CEP57L1: variants seen among roughly 807,000 people sequenced by gnomAD.
The protein encoded by CEP57L1 is centrosomal protein 57 like 1.
In CEP57L1, 37 loss-of-function variants were observed where a neutral mutation model predicts 61.0. The ratio of observed to expected loss-of-function variants is 0.61; its 90% CI spans 0.47 to 0.80. The LOEUF (loss-of-function observed/expected upper bound fraction) is 0.80. Ranked by LOEUF, CEP57L1 falls within the 30% of genes least tolerant of loss-of-function variation. CEP57L1 has a pLI of 0.00. For synonymous variants in CEP57L1, 137 were observed against 162.3 expected (o/e 0.84, Z 1.19); for missense variants, 422 against 524.7 (o/e 0.80, Z 1.91).
chr6:109,165,377 A>G lies in CEP57L1; in HGVS notation c.*2407A>G, dbSNP rs114637441. Among the ~76,000 whole-genome samples the G allele has an allele frequency of 7.5e-3, 1,137 of 152,004 alleles. 18 individuals carry two copies. The highest frequency in any genetic ancestry group is 0.026 in the African/African-American group (1,088 of 41,454). ...GCACCCAGCAGAAGAGTTGACACTT[A>G]TTAAACACTCAATAAATATTTTTTG... On this transcript the variant is annotated 3_prime_UTR_variant, in exon 11 of 11. Transcript: ENST00000517392.
intron 1 of CEP57L1, among the ~76,000 whole-genome samples, chr6:109,119,303 GA>G (rs1772672838): frequency 6.6e-6 from 1 of 152,112 alleles, no homozygotes. Flanking sequence ...TAGTTTTAGT[GA>G]AACATAATTA....
chr6:109,143,592 A>C (rs772481753), intron 1 of CEP57L1, among the ~76,000 whole-genome samples: 7 of 152,116 alleles, frequency 4.6e-5, no homozygotes, highest in Non-Finnish European at 7.4e-5. Context: ...TTTAATTTAA[A>C]TAAACTGTAG....
intron 1 of CEP57L1, among the ~76,000 whole-genome samples, chr6:109,108,148 T>G (rs893743704): frequency 1.3e-5 from 2 of 152,070 alleles, no homozygotes; most frequent in Non-Finnish European, 2.9e-5. Flanking sequence ...TGAATCTAAA[T>G]GTAATGCCCC....
intron 7 of CEP57L1, chr6:109,156,773 C>T (rs570989803): frequency 3.1e-4 from 47 of 152,018 alleles, no homozygotes; most frequent in African/African-American, 9.4e-4. Flanking sequence ...TCTTTTATTA[C>T]GTAAATAAAA....
chr6:109,172,139 A>T lies in CEP57L1; in HGVS notation c.*9169A>T, dbSNP rs534326892. 6.6e-6 allele frequency among the ~76,000 whole-genome samples: 1 copy of T among 152,310 alleles called. No homozygotes were observed. The highest frequency in any genetic ancestry group is 1.9e-4 in the East Asian group (1 of 5,192). The stretch of plus-strand genomic sequence containing the variant: ...TGGGGGACACCAGGCACAAGCTTCC[A>T]GTTGTCCTTCACCTGTGAAGTCATG... On this transcript the variant is annotated 3_prime_UTR_variant, in exon 11 of 11. Coordinates refer to ENST00000517392, the MANE Select transcript of CEP57L1 (RefSeq NM_001271852.3).
At chr6:109,116,011 T>G (rs916355062) in intron 1 of CEP57L1, among the ~76,000 whole-genome samples, 4 of 152,206 alleles carry the variant, frequency 2.6e-5, no homozygotes, top group African/African-American at 9.6e-5. Flanking sequence ...TGTATTTTTA[T>G]GAGTTTTGGT....
chr6:109,169,188 T>C lies in CEP57L1; in HGVS notation c.*6218T>C, dbSNP rs1320631129. On this transcript the variant is annotated 3_prime_UTR_variant, in exon 11 of 11. Coordinates refer to ENST00000517392, the MANE Select transcript of CEP57L1 (RefSeq NM_001271852.3). Reference sequence around the variant, plus strand: ...TTGCAGTAAGCTGAGATTGTGCCACTGCACTCTAGCCTGAGCAGCAGAGTG... The same window carrying C: ...TTGCAGTAAGCTGAGATTGTGCCACCGCACTCTAGCCTGAGCAGCAGAGTG... 2.2e-5 allele frequency among the ~76,000 whole-genome samples: 3 copies of C among 137,704 alleles called. No homozygotes were observed. The highest frequency in any genetic ancestry group is 4.5e-5 in the Non-Finnish European group (3 of 65,994). 90.3% of individuals were successfully genotyped at this position (137,704 alleles called of 152,430 possible).
At chr6:109,150,378 A>G in intron 4 of CEP57L1, 139 bp downstream of exon 4, 1 of 912,204 alleles carries the variant, frequency 1.1e-6, no homozygotes, top group Non-Finnish European at 1.6e-6. Flanking sequence ...GGAGTTTCAA[A>G]AGGAAAGGAA....
chr6:109,148,315 G>A (rs1225301282), intron 3 of CEP57L1, among the ~76,000 whole-genome samples: 2 of 150,322 alleles, frequency 1.3e-5, no homozygotes. Context: ...TCCCCTTCCT[G>A]TGTCCATGTG....
chr6:109,098,913 T>C (rs1215925023), intron 1 of CEP57L1, among the ~76,000 whole-genome samples: 2 of 152,224 alleles, frequency 1.3e-5, no homozygotes, highest in African/African-American at 4.8e-5. Context: ...GGATACATTT[T>C]GATAGTATAG....
Position 109,135,202 on chromosome 6 carries a change from A to G in CEP57L1, c.-3-10017A>G, listed in dbSNP as rs1178576833. 3.3e-5 allele frequency among the ~76,000 whole-genome samples: 5 copies of G among 152,252 alleles called. No homozygotes were observed. The South Asian group carries it at 6.2e-4, about 19-fold the overall frequency. On this transcript the variant is annotated intron_variant, in intron 1 of 10. Coordinates refer to ENST00000517392, the MANE Select transcript of CEP57L1 (RefSeq NM_001271852.3). Reference sequence around the variant, plus strand: ...CAGTAACCAAAACAGCATGGTACCTATACCAAAACAGAGATATAGACCAAT... The same window carrying G: ...CAGTAACCAAAACAGCATGGTACCTGTACCAAAACAGAGATATAGACCAAT...
chr6:109,154,040 T>C (rs1203277337), intron 5 of CEP57L1, 91 bp downstream of exon 5: 5 of 728,770 alleles, frequency 6.9e-6, no homozygotes, highest in Non-Finnish European at 1.2e-5. Flanking sequence ...AAATCTTAGA[T>C]TTATAAAACT....
At chr6:109,124,570 CAT>C (rs1414925186) in intron 1 of CEP57L1, among the ~76,000 whole-genome samples, 1 of 152,162 alleles carries the variant, frequency 6.6e-6, no homozygotes, top group African/African-American at 2.4e-5. Context: ...AATTGTGCCT[CAT>C]AGCATTGGTA....
intron 4 of CEP57L1, among the ~76,000 whole-genome samples, chr6:109,153,035 C>A (rs1772811095): frequency 1.3e-5 from 2 of 150,678 alleles, no homozygotes; most frequent in Non-Finnish European, 3.0e-5. Context: ...CGCATGAACC[C>A]AGGAGACAAA....
Position 109,174,354 on chromosome 6 carries a change from G to C in CEP57L1, c.*11384G>C, listed in dbSNP as rs1774545775. Among the ~76,000 whole-genome samples the C allele has an allele frequency of 6.6e-6, 1 of 152,144 alleles. No individual in the cohort carries two copies. The highest frequency in any genetic ancestry group is 6.5e-5 in the Admixed American group (1 of 15,274). On this transcript the variant is annotated 3_prime_UTR_variant, in exon 11 of 11. Coordinates refer to ENST00000517392, the MANE Select transcript of CEP57L1 (RefSeq NM_001271852.3). Reference sequence around the variant, plus strand: ...TTTGTAGAATGGTTACACAAACCAAGCAAAACCTTCTGTAAAGTTTCTACC... The same window carrying C: ...TTTGTAGAATGGTTACACAAACCAACCAAAACCTTCTGTAAAGTTTCTACC...
intron 9 of CEP57L1, 39 bp downstream of exon 9, chr6:109,159,501 G>C: frequency 6.4e-7 from 1 of 1,571,008 alleles, no homozygotes; most frequent in South Asian, 1.2e-5. Flanking sequence ...AAGAGACAGT[G>C]TCTCGCTATG....
chr6:109,159,864 C>A lies in CEP57L1; in HGVS notation c.1016+402C>A, dbSNP rs575119425. The stretch of plus-strand genomic sequence containing the variant: ...CATTCTAACATACAGGATCTGATGA[C>A]CTTAGATTAAAACTCACAAAAGCTT... On this transcript the variant is annotated intron_variant, in intron 9 of 10. Coordinates refer to ENST00000517392, the MANE Select transcript of CEP57L1 (RefSeq NM_001271852.3). Among the ~76,000 whole-genome samples the A allele has an allele frequency of 2.7e-4, 41 of 152,264 alleles. No homozygotes were observed. The South Asian group carries it at 6.0e-3, about 22-fold the overall frequency.
At chr6:109,158,665 T>A (rs1562145148) in intron 7 of CEP57L1, 2 of 470,154 alleles carry the variant, frequency 4.3e-6, no homozygotes, top group Non-Finnish European at 8.4e-6. Context: ...TATAAGAAAC[T>A]GCCAAACTGT....
chr6:109,135,988 A>G (rs940359190), intron 1 of CEP57L1, among the ~76,000 whole-genome samples: 2 of 152,168 alleles, frequency 1.3e-5, no homozygotes, highest in Non-Finnish European at 2.9e-5. Context: ...TAGTTCAACC[A>G]TTGTGGAAGA....
Sources: gnomAD v4.1 joint callset for allele counts (sites outside exome capture counted in the v4.1 genomes callset) on GRCh38, gnomAD v4.1.1 for gene constraint, MANE v1.5 for transcripts, NCBI Gene and HGNC (gene_info 2026-07-23, HGNC 2026-07-21) for gene names.